The following DPP6 variants were observed in gnomAD, a reference collection of about 807,000 sequenced individuals.
DPP6 encodes the protein A-type potassium channel modulatory protein DPP6.
Under a neutral mutation model 122.6 loss-of-function variants are expected in DPP6, and 69 were observed. That is an observed-to-expected ratio of 0.56 (90% CI 0.46 to 0.69). DPP6 has a LOEUF of 0.69. Among genes scored for constraint, DPP6 ranks in the 30% least tolerant of loss-of-function variants. The probability of loss-of-function intolerance (pLI) is 0.00; values close to 1 mark genes in which losing one functional copy is unlikely to be tolerated. For synonymous variants in DPP6, 418 were observed against 433.1 expected (o/e 0.97, Z 0.43); for missense variants, 928 against 1,116.9 (o/e 0.83, Z 2.41).
At chr7:153,886,510 G>A (rs1418249348), upstream of DPP6, among the ~76,000 whole-genome samples, 1 of 152,174 alleles carries the variant, frequency 6.6e-6, no homozygotes, top group Non-Finnish European at 1.5e-5. Context: ...CCAAGAGCGA[G>A]CCAAAGAAAC....
intron 1 of DPP6, among the ~76,000 whole-genome samples, chr7:154,170,900 T>C: frequency 6.6e-6 from 1 of 152,194 alleles, no homozygotes; most frequent in Non-Finnish European, 1.5e-5. Flanking sequence ...CCAGTGTGAC[T>C]GGACTCACTT....
At chr7:153,990,228 C>CCAGCCCCACCCTCAGG (rs1192650611) in intron 1 of DPP6, among the ~76,000 whole-genome samples, 2 of 94,374 alleles carry the variant, frequency 2.1e-5, no homozygotes, top group African/African-American at 8.1e-5. Context: ...CCACCCTCTT[C>CCAGCCCCACCCTCAGG]CAGCCCCACC....
chr7:154,686,727 G>C (rs148482790), intron 7 of DPP6, among the ~76,000 whole-genome samples: 125 of 152,284 alleles, frequency 8.2e-4, no homozygotes, highest in Middle Eastern at 6.8e-3. Context: ...AATGAAGCTT[G>C]TATGTCTCCT....
chr7:154,205,219 C>T (rs898127365), intron 1 of DPP6, among the ~76,000 whole-genome samples: 1 of 152,006 alleles, frequency 6.6e-6, no homozygotes, highest in Non-Finnish European at 1.5e-5. Flanking sequence ...AGAGAGAGCC[C>T]TTGTACCCTT....
chr7:154,443,353 A>G (rs991701081), intron 1 of DPP6, among the ~76,000 whole-genome samples: 3 of 145,950 alleles, frequency 2.1e-5, no homozygotes, highest in African/African-American at 8.2e-5. Context: ...CAAGAAAAAA[A>G]ATGAAAAAAA....
chr7:154,214,722 G>A (rs1799908184), intron 1 of DPP6, among the ~76,000 whole-genome samples: 1 of 152,182 alleles, frequency 6.6e-6, no homozygotes, highest in African/African-American at 2.4e-5. Flanking sequence ...TTCGAGACCA[G>A]GCTGGGAAAC....
Position 154,808,725 on chromosome 7 carries a change from A to G in DPP6, c.1666+1613A>G, listed in dbSNP as rs573349334. 2.6e-4 allele frequency among the ~76,000 whole-genome samples: 39 copies of G among 152,316 alleles called. No homozygotes were observed. In the South Asian group the frequency reaches 6.4e-3, roughly 25 times the overall value. On this transcript the variant is annotated intron_variant, in intron 16 of 25. Coordinates refer to ENST00000377770, the MANE Select transcript of DPP6 (RefSeq NM_130797.4). ...GGGAAATTACAGGGATTGACGGGGCATAGGGATTGGGAAAATGTGGCAAGC... is the reference window on the plus strand; with the variant it reads ...GGGAAATTACAGGGATTGACGGGGCGTAGGGATTGGGAAAATGTGGCAAGC...
intron 1 of DPP6, among the ~76,000 whole-genome samples, chr7:153,939,181 A>G (rs1462733396): frequency 1.3e-5 from 2 of 152,242 alleles, no homozygotes; most frequent in Non-Finnish European, 2.9e-5. Context: ...CCTTAGCGAT[A>G]GTACTGTTAG....
chr7:153,764,091 A>G, the DPP6 span, among the ~76,000 whole-genome samples: 1 of 152,216 alleles, frequency 6.6e-6, no homozygotes, highest in Non-Finnish European at 1.5e-5. Flanking sequence ...AAGATAACAT[A>G]GCTTTTTTTC....
At chr7:154,789,774 T>G (rs4960613) in intron 10 of DPP6, among the ~76,000 whole-genome samples, 37,180 of 152,246 alleles carry the variant, frequency 0.24, 4,658 homozygotes, top group East Asian at 0.38. Context: ...AATGTCCCTT[T>G]GTCCAAAGCG....
intron 1 of DPP6, among the ~76,000 whole-genome samples, chr7:154,148,254 G>A (rs73729282): frequency 0.087 from 6,739 of 77,408 alleles, 1,340 homozygotes; most frequent in African/African-American, 0.26. Flanking sequence ...CCCATCTCTG[G>A]CACCAGCAAC....
chr7:154,158,532 G>T (rs1796812509), intron 1 of DPP6, among the ~76,000 whole-genome samples: 1 of 151,554 alleles, frequency 6.6e-6, no homozygotes, highest in Admixed American at 6.6e-5. Context: ...CTATTCCGAA[G>T]AAACAGATTT....
rs4726405 is a variant in DPP6 at position 154,319,336 on chromosome 7, G to T, written c.244-126878G>T. On this transcript the variant is annotated intron_variant, in intron 1 of 25. Coordinates refer to ENST00000377770, the MANE Select transcript of DPP6 (RefSeq NM_130797.4). ...AACTCTTTTTCTCTGCATAATTTCA[G>T]TGTCTAGAATAGAGTAACAGTCCTG... Among the ~76,000 whole-genome samples the T allele has an allele frequency of 1.2e-3, 181 of 152,098 alleles. 3 individuals carry two copies. The highest frequency in any genetic ancestry group is 4.0e-3 in the African/African-American group (166 of 41,466).
intron 5 of DPP6, chr7:154,587,456 CAGCTAAGCATGGTTCTG>C: frequency 1.6e-6 from 1 of 636,010 alleles, no homozygotes; most frequent in Non-Finnish European, 2.7e-6. Flanking sequence ...ACACAGCCTG[CAGCTAAGCATGGTTCTG>C]AGCAAGACAC....
intron 7 of DPP6, among the ~76,000 whole-genome samples, chr7:154,706,167 G>A (rs571291743): frequency 2.0e-4 from 31 of 152,166 alleles, no homozygotes; most frequent in Middle Eastern, 3.4e-3. Flanking sequence ...AGGATCCTGC[G>A]TCCCCTGCCA....
chr7:153,987,085 C>T (rs1218382606), intron 1 of DPP6, among the ~76,000 whole-genome samples: 1 of 152,110 alleles, frequency 6.6e-6, no homozygotes, highest in African/African-American at 2.4e-5. Context: ...AAAAATTTGT[C>T]GAGATGTTAT....
At chr7:154,721,421 T>C (rs1586955723) in intron 7 of DPP6, among the ~76,000 whole-genome samples, 2 of 152,156 alleles carry the variant, frequency 1.3e-5, no homozygotes, top group Non-Finnish European at 2.9e-5. Flanking sequence ...ACCTGCCCCA[T>C]AGGGTTATTT....
intron 1 of DPP6, among the ~76,000 whole-genome samples, chr7:154,223,081 T>C (rs938190095): frequency 1.3e-5 from 2 of 149,170 alleles, no homozygotes; most frequent in African/African-American, 5.1e-5. Context: ...TGAGAGAGTC[T>C]TGGTTTCCAC....
intron 1 of DPP6, among the ~76,000 whole-genome samples, chr7:154,422,436 A>T (rs1817542246): frequency 6.6e-6 from 1 of 152,176 alleles, no homozygotes; most frequent in South Asian, 2.1e-4. Context: ...AAAAGCAATA[A>T]CTGCATATTT....
Sources: gnomAD v4.1 joint callset for allele counts (sites outside exome capture counted in the v4.1 genomes callset) on GRCh38, gnomAD v4.1.1 for gene constraint, MANE v1.5 for transcripts, NCBI Gene and HGNC (gene_info 2026-07-23, HGNC 2026-07-21) for gene names.